Variants in SCFD2 observed in about 807,000 individuals in gnomAD.
SCFD2 encodes the protein sec1 family domain-containing protein 2.
Under a neutral mutation model 58.9 loss-of-function variants are expected in SCFD2, and 54 were observed. The observed-to-expected ratio is 0.92, with a 90% CI of 0.74 to 1.15. The LOEUF (loss-of-function observed/expected upper bound fraction) is 1.15. Ranked by LOEUF, SCFD2 falls within the 50% of genes most tolerant of loss-of-function variation. SCFD2 has a pLI of 0.00. For synonymous variants in SCFD2, 321 were observed against 335.9 expected, an observed-to-expected ratio of 0.96 and a Z score of 0.49; for missense variants, 805 against 836.6, an observed-to-expected ratio of 0.96 and a Z score of 0.47.
chr4:53,142,578 C>T (rs1223591658), intron 5 of SCFD2, among the ~76,000 whole-genome samples: 2 of 152,218 alleles, frequency 1.3e-5, no homozygotes, highest in South Asian at 2.1e-4. Flanking sequence ...ACACAAAGCA[C>T]ATTTGGAAGG....
At chr4:53,252,273 T>C (rs923299862) in intron 4 of SCFD2, among the ~76,000 whole-genome samples, 5 of 146,824 alleles carry the variant, frequency 3.4e-5, no homozygotes, top group Non-Finnish European at 6.0e-5. Context: ...TGCTCATGGG[T>C]AGGAAGAATC....
chr4:53,302,688 T>C (rs1456888642), intron 3 of SCFD2, among the ~76,000 whole-genome samples: 1 of 152,206 alleles, frequency 6.6e-6, no homozygotes, highest in Non-Finnish European at 1.5e-5. Context: ...TCAAGCTACC[T>C]GACTTCGAAC....
chr4:53,137,832 C>T (rs1006845946), intron 5 of SCFD2, among the ~76,000 whole-genome samples: 3 of 152,130 alleles, frequency 2.0e-5, no homozygotes, highest in African/African-American at 7.2e-5. Context: ...GTCTTGTTTT[C>T]CTTTGTTTCC....
chr4:53,336,982 A>T (rs554406923), intron 2 of SCFD2, among the ~76,000 whole-genome samples: 1 of 152,214 alleles, frequency 6.6e-6, no homozygotes, highest in South Asian at 2.1e-4. Flanking sequence ...GCAAATTCAA[A>T]CCACAATGAG....
chr4:53,292,946 T>C (rs1731892908), intron 3 of SCFD2, among the ~76,000 whole-genome samples: 1 of 152,002 alleles, frequency 6.6e-6, no homozygotes, highest in African/African-American at 2.4e-5. Flanking sequence ...AGAAGACAAA[T>C]TCATAGGTGG....
chr4:53,366,058 C>G lies in SCFD2; in HGVS notation c.-117G>C. On this transcript the variant is annotated 5_prime_UTR_variant, in exon 1 of 9. Coordinates refer to ENST00000401642, the MANE Select transcript of SCFD2 (RefSeq NM_152540.4). ...AGTCTCCACAGTACACGTGGTCGGC[C>G]TCTGACACGCTCCCTGATGGCGCTC... The G allele has an allele frequency of 8.5e-7, 1 of 1,179,136 alleles. No individual in the cohort carries two copies. Among genetic ancestry groups the G allele is most frequent in the Non-Finnish European group, 1.2e-6 (1 of 852,226 alleles). The allele number at this position is 1,179,136 out of a possible 1,614,324, so 73.0% of individuals were successfully genotyped here.
intron 5 of SCFD2, among the ~76,000 whole-genome samples, chr4:52,973,171 G>A (rs1404809773): frequency 6.6e-6 from 1 of 152,062 alleles, no homozygotes. Flanking sequence ...TAAGATCAGA[G>A]CAGAACTGAA....
chr4:53,262,015 CT>C (rs929182819), intron 4 of SCFD2, among the ~76,000 whole-genome samples: 6 of 151,910 alleles, frequency 3.9e-5, no homozygotes, highest in African/African-American at 1.5e-4. Context: ...TAAGGTCCCT[CT>C]TTTTTTAACT....
intron 4 of SCFD2, 91 bp downstream of exon 4, chr4:53,273,731 GATTT>G: frequency 9.2e-7 from 1 of 1,083,034 alleles, no homozygotes; most frequent in Non-Finnish European, 1.3e-6. Flanking sequence ...TCAACAATAT[GATTT>G]ATTACTAAGG....
At chr4:53,189,699 G>A (rs1016883809) in intron 4 of SCFD2, among the ~76,000 whole-genome samples, 1 of 152,134 alleles carries the variant, frequency 6.6e-6, no homozygotes, top group Non-Finnish European at 1.5e-5. Context: ...TCAACATAGG[G>A]ATTTGGAAGA....
intron 5 of SCFD2, among the ~76,000 whole-genome samples, chr4:53,022,795 A>G (rs143472912): frequency 1.3e-5 from 2 of 152,336 alleles, no homozygotes; most frequent in African/African-American, 4.8e-5. Flanking sequence ...CTTAATGTTA[A>G]GTAACAATAA....
At chr4:52,934,824 A>C (rs1020025655) in intron 5 of SCFD2, among the ~76,000 whole-genome samples, 2 of 152,230 alleles carry the variant, frequency 1.3e-5, no homozygotes, top group African/African-American at 4.8e-5. Flanking sequence ...GATACAAATC[A>C]ATGTGTTTGA....
intron 3 of SCFD2, among the ~76,000 whole-genome samples, chr4:53,291,924 A>G (rs578138545): frequency 1.3e-5 from 2 of 152,330 alleles, no homozygotes; most frequent in African/African-American, 4.8e-5. Flanking sequence ...CTGGCTAGCC[A>G]TATGCAGAAA....
chr4:53,142,272 C>T (rs1319715990), intron 5 of SCFD2, among the ~76,000 whole-genome samples: 2 of 152,172 alleles, frequency 1.3e-5, no homozygotes, highest in Non-Finnish European at 2.9e-5. Flanking sequence ...ACACTTGGAG[C>T]TGGTGTTCAG....
intron 6 of SCFD2, among the ~76,000 whole-genome samples, chr4:52,914,377 G>T (rs1190955004): frequency 1.3e-5 from 2 of 152,180 alleles, no homozygotes; most frequent in Non-Finnish European, 2.9e-5. Context: ...CAGGATATGA[G>T]GTTTTTAAGC....
At chr4:53,251,413 T>G (rs1292936529) in intron 4 of SCFD2, among the ~76,000 whole-genome samples, 5 of 152,112 alleles carry the variant, frequency 3.3e-5, no homozygotes, top group South Asian at 4.1e-4. Context: ...TACCAAAGCC[T>G]GGCAGAGACA....
chr4:53,036,413 G>C (rs1387914345), intron 5 of SCFD2, among the ~76,000 whole-genome samples: 1 of 151,488 alleles, frequency 6.6e-6, no homozygotes, highest in Non-Finnish European at 1.5e-5. Context: ...TTGTGGCACT[G>C]TTCACAATAG....
intron 4 of SCFD2, among the ~76,000 whole-genome samples, chr4:53,159,189 A>G (rs1726779296): frequency 6.6e-6 from 1 of 152,212 alleles, no homozygotes; most frequent in Non-Finnish European, 1.5e-5. Flanking sequence ...GAAAAAAAGA[A>G]AAAAATAAAC....
intron 5 of SCFD2, among the ~76,000 whole-genome samples, chr4:53,049,078 A>G (rs1038354): frequency 0.25 from 38,792 of 152,184 alleles, 5,142 homozygotes; most frequent in East Asian, 0.28. Flanking sequence ...AATAAGCACA[A>G]CAGAATGGCG....
Sources: gnomAD v4.1 joint callset for allele counts (sites outside exome capture counted in the v4.1 genomes callset) on GRCh38, gnomAD v4.1.1 for gene constraint, MANE v1.5 for transcripts, NCBI Gene and HGNC (gene_info 2026-07-23, HGNC 2026-07-21) for gene names.